MYO1E: variants seen among roughly 807,000 people sequenced by gnomAD.
The protein encoded by MYO1E is myosin IE.
In MYO1E, 68 loss-of-function variants were observed where a neutral mutation model predicts 151.1. The ratio of observed to expected loss-of-function variants is 0.45; its 90% CI spans 0.37 to 0.55. MYO1E has a LOEUF of 0.55. Ranked by LOEUF, MYO1E falls within the 20% of genes least tolerant of loss-of-function variation. MYO1E has a pLI of 0.00. For synonymous variants in MYO1E, 601 were observed against 501.7 expected (o/e 1.20, Z -2.64); for missense variants, 1,363 against 1,389.3 (o/e 0.98, Z 0.30).
chr15:59,161,434 G>C (rs2079537855), intron 23 of MYO1E, among the ~76,000 whole-genome samples: 1 of 152,210 alleles, frequency 6.6e-6, no homozygotes, highest in Non-Finnish European at 1.5e-5. Context: ...AGAAAAAGGA[G>C]CATCTGGGGC....
chr15:59,213,006 C>T lies in MYO1E; in HGVS notation c.1275+1222G>A, dbSNP rs145306349. Reference sequence around the variant, plus strand: ...GGACTTCTTGACTTCAGACTCTGGGCTCCACAACTGGGAGGGAAGAAACTG... The same window carrying T: ...GGACTTCTTGACTTCAGACTCTGGGTTCCACAACTGGGAGGGAAGAAACTG... On this transcript the variant is annotated intron_variant, in intron 12 of 27. Transcript: ENST00000288235. 8.2e-3 allele frequency among the ~76,000 whole-genome samples: 1,246 copies of T among 152,174 alleles called. 21 individuals are homozygous for T. The highest frequency in any genetic ancestry group is 0.028 in the African/African-American group (1,166 of 41,504).
At chr15:59,275,138 G>A (rs1447543626) in intron 1 of MYO1E, among the ~76,000 whole-genome samples, 5 of 152,138 alleles carry the variant, frequency 3.3e-5, no homozygotes, top group Admixed American at 6.5e-5. Context: ...GACTATGGAC[G>A]CATCCAAACG....
chr15:59,139,517 A>T (rs1476092705), intron 26 of MYO1E, among the ~76,000 whole-genome samples: 3 of 125,082 alleles, frequency 2.4e-5, no homozygotes, highest in African/African-American at 6.4e-5. Context: ...CTCTGCAGAC[A>T]TCCCTCCTAC....
At chr15:59,293,750 C>T (rs1433717398) in intron 1 of MYO1E, among the ~76,000 whole-genome samples, 11 of 151,924 alleles carry the variant, frequency 7.2e-5, no homozygotes, top group African/African-American at 2.7e-4. Context: ...AACAAAAAAC[C>T]CTGATATATG....
intron 25 of MYO1E, among the ~76,000 whole-genome samples, chr15:59,154,404 G>T (rs1383333396): frequency 6.6e-6 from 1 of 152,240 alleles, no homozygotes; most frequent in Non-Finnish European, 1.5e-5. Context: ...GCGATGTCTA[G>T]TTAAAATCGC....
At chr15:59,269,072 A>G (rs2080274699) in intron 2 of MYO1E, among the ~76,000 whole-genome samples, 1 of 152,172 alleles carries the variant, frequency 6.6e-6, no homozygotes, top group Non-Finnish European at 1.5e-5. Context: ...GGGCTTGTCA[A>G]TACTCCATTT....
intron 6 of MYO1E, among the ~76,000 whole-genome samples, chr15:59,230,724 TATATGAGCAC>T (rs1282096671): frequency 1.3e-5 from 2 of 152,244 alleles, no homozygotes; most frequent in Non-Finnish European, 2.9e-5. Flanking sequence ...TGACAGTTAT[TATATGAGCAC>T]ATAGTAAAAA....
chr15:59,147,624 A>T (rs1394636167), intron 26 of MYO1E, among the ~76,000 whole-genome samples: 1 of 150,908 alleles, frequency 6.6e-6, no homozygotes, highest in East Asian at 1.9e-4. Flanking sequence ...AACAATACAA[A>T]AAAAAGAAAG....
chr15:59,282,991 G>A (rs1448611295), intron 1 of MYO1E, among the ~76,000 whole-genome samples: 2 of 115,792 alleles, frequency 1.7e-5, no homozygotes, highest in African/African-American at 6.4e-5. Flanking sequence ...AAGGGGAAAG[G>A]GGAAAGGGAA....
chr15:59,233,010 TC>T (rs1317410601), intron 5 of MYO1E, among the ~76,000 whole-genome samples: 1 of 152,152 alleles, frequency 6.6e-6, no homozygotes, highest in Non-Finnish European at 1.5e-5. Context: ...AGAAACATAC[TC>T]CCAACCTGCC....
intron 2 of MYO1E, 123 bp downstream of exon 2, chr15:59,272,183 G>C (rs1376238520): frequency 9.0e-7 from 1 of 1,115,944 alleles, no homozygotes; most frequent in Non-Finnish European, 1.4e-6. Context: ...TGGAACTCCT[G>C]CCTTAGCCTT....
Position 59,164,016 on chromosome 15 carries a change from G to A in MYO1E, c.2481-713C>T, listed in dbSNP as rs566304491. ...CTGCATGTTTGGACAGGGTGGGATT[G>A]TGGAGAAATTTATGCCTGGAGGGGA... On this transcript the variant is annotated intron_variant, in intron 22 of 27. Coordinates refer to ENST00000288235, the MANE Select transcript of MYO1E (RefSeq NM_004998.4). 1.4e-4 allele frequency among the ~76,000 whole-genome samples: 21 copies of A among 152,336 alleles called. 1 individual carries two copies. Among genetic ancestry groups the A allele is most frequent in the African/African-American group, 5.1e-4 (21 of 41,578 alleles).
intron 2 of MYO1E, among the ~76,000 whole-genome samples, chr15:59,269,413 A>G (rs12443291): frequency 7.9e-5 from 12 of 152,044 alleles, no homozygotes; most frequent in Non-Finnish European, 1.5e-4. Context: ...TAATCAATTA[A>G]CTGCCAGTTT....
At chr15:59,319,560 T>C (rs990985380) in intron 1 of MYO1E, among the ~76,000 whole-genome samples, 22 of 76,608 alleles carry the variant, frequency 2.9e-4, no homozygotes, top group East Asian at 4.9e-4. Flanking sequence ...CTTTTTTTTT[T>C]TTTTTTTTTT....
At chr15:59,354,353 A>G (rs544945885) in intron 1 of MYO1E, among the ~76,000 whole-genome samples, 1 of 152,172 alleles carries the variant, frequency 6.6e-6, no homozygotes, top group Non-Finnish European at 1.5e-5. Context: ...AACAGACACA[A>G]CCTTGGTCAG....
At chr15:59,195,601 CT>C (rs2140330238) in intron 16 of MYO1E, 34 bp from the exon 17 acceptor site, 1 of 1,578,840 alleles carries the variant, frequency 6.3e-7, no homozygotes, top group East Asian at 2.2e-5. Flanking sequence ...AATCATGGAA[CT>C]TTCTCTAAAG....
At chr15:59,308,782 T>A (rs2080531719) in intron 1 of MYO1E, among the ~76,000 whole-genome samples, 1 of 148,962 alleles carries the variant, frequency 6.7e-6, no homozygotes, top group African/African-American at 2.5e-5. Flanking sequence ...GAGGTCACAG[T>A]GAGCGGTAAT....
chr15:59,274,091 C>G (rs2080304518), intron 1 of MYO1E, among the ~76,000 whole-genome samples: 1 of 151,422 alleles, frequency 6.6e-6, no homozygotes, highest in African/African-American at 2.4e-5. Context: ...AGATCCTTTG[C>G]TAAGAGCAAG....
At chr15:59,176,936 AAGGAC>A (rs1487943567) in intron 19 of MYO1E, among the ~76,000 whole-genome samples, 2 of 152,210 alleles carry the variant, frequency 1.3e-5, no homozygotes, top group Non-Finnish European at 2.9e-5. Context: ...AGGCAAGGAA[AAGGAC>A]AGCCAAAAAT....
Sources: gnomAD v4.1 joint callset for allele counts (sites outside exome capture counted in the v4.1 genomes callset) on GRCh38, gnomAD v4.1.1 for gene constraint, MANE v1.5 for transcripts, NCBI Gene and HGNC (gene_info 2026-07-23, HGNC 2026-07-21) for gene names.